Variants in ANLN observed in about 807,000 individuals in gnomAD.
ANLN encodes the protein anillin.
ANLN carries 59 observed loss-of-function variants against 135.1 expected under a neutral mutation model. The ratio of observed to expected loss-of-function variants is 0.44; its 90% CI spans 0.35 to 0.54. The LOEUF (loss-of-function observed/expected upper bound fraction) is 0.54. Among genes scored for constraint, ANLN ranks in the 20% least tolerant of loss-of-function variants. ANLN has a pLI of 0.00. For missense variants in ANLN, 1,182 were observed against 1,340.0 expected, an observed-to-expected ratio of 0.88 and a Z score of 1.84; for synonymous variants, 406 against 456.4, an observed-to-expected ratio of 0.89 and a Z score of 1.41.
At chr7:36,399,589 GT>G (rs1184707999) in intron 3 of ANLN, among the ~76,000 whole-genome samples, 196 bp downstream of exon 3, 1 of 152,186 alleles carries the variant, frequency 6.6e-6, no homozygotes, top group Non-Finnish European at 1.5e-5. Context: ...AGATCACGAT[GT>G]GGTTCTTGGA....
At position 36,445,161 on chromosome 7, in the gene ANLN, CTTTTTTTTTTTTT is replaced by C. The variant is rs70977145; in HGVS notation, c.3078+1314_3078+1326del. 3.5e-4 allele frequency among the ~76,000 whole-genome samples: 20 copies of C among 57,822 alleles called. 1 individual carries two copies. The highest frequency in any genetic ancestry group is 1.5e-3 in the Admixed American group (6 of 3,980). The allele number at this position is 57,822 out of a possible 152,430, so 37.9% of individuals were successfully genotyped here. A position where few individuals can be genotyped will look rare whatever the true frequency, so the allele number is the denominator to read the frequency against. The stretch of plus-strand genomic sequence containing the variant: ...TTAGAGGCGTTTCAGATTTGGGATT[CTTTTTTTTTTTTT>C]TTTTTTTTTTTTTTCAGATTTTGGA... On this transcript the variant is annotated intron_variant, in intron 22 of 23. Coordinates refer to ENST00000265748, the MANE Select transcript of ANLN (RefSeq NM_018685.5).
chr7:36,421,391 A>T (rs984228355), intron 12 of ANLN, among the ~76,000 whole-genome samples: 3 of 151,160 alleles, frequency 2.0e-5, no homozygotes, highest in Non-Finnish European at 4.4e-5. Flanking sequence ...TTTTAATTAT[A>T]AAAAAAAATA....
Position 36,411,663 on chromosome 7 carries a change from C to T in ANLN, c.1395+497C>T, listed in dbSNP as rs879648696. Among the ~76,000 whole-genome samples, 14 of 152,272 alleles carry T rather than the reference C, an allele frequency of 9.2e-5. No homozygotes were observed. The Middle Eastern group carries it at 0.01, about 111-fold the overall frequency. ...GTGTTCTGTTTAATTTACATGTCTA[C>T]AAAGTACTGTGTTAGGATATGTTTT... On this transcript the variant is annotated intron_variant, in intron 7 of 23. Coordinates refer to ENST00000265748, the MANE Select transcript of ANLN (RefSeq NM_018685.5).
chr7:36,420,863 G>C (rs1787848494), intron 12 of ANLN, 119 bp downstream of exon 12: 1 of 920,746 alleles, frequency 1.1e-6, no homozygotes, highest in Non-Finnish European at 1.6e-6. Context: ...AATAGTGTCT[G>C]ATGCATAGAA....
At chr7:36,396,912 G>C (rs1034320619) in intron 2 of ANLN, among the ~76,000 whole-genome samples, 2 of 152,050 alleles carry the variant, frequency 1.3e-5, no homozygotes, top group Non-Finnish European at 2.9e-5. Flanking sequence ...ATCTCCAGAA[G>C]TGGTGGAATT....
intron 2 of ANLN, among the ~76,000 whole-genome samples, chr7:36,398,414 C>T (rs73102283): frequency 0.037 from 5,596 of 152,196 alleles, 139 homozygotes; most frequent in African/African-American, 0.059. Flanking sequence ...CTACACTTGG[C>T]TCAGCTGTGT....
rs569777162 is a variant in ANLN at position 36,390,227 on chromosome 7, A to AT, written c.18+187dup. 3.8e-4 allele frequency: 354 copies of AT among 939,316 alleles called. 2 individuals carry two copies. The East Asian group carries it at 7.9e-3, about 21-fold the overall frequency. 58.2% of individuals were successfully genotyped at this position (939,316 alleles called of 1,614,324 possible). A position where few individuals can be genotyped will look rare whatever the true frequency, so the allele number is the denominator to read the frequency against. Reference sequence around the variant, plus strand: ...GCTGTGGTTGGTGGGTTCCTCTGAGATTTTGTTGTTTCGGTCCTACAGATA... The same window carrying AT: ...GCTGTGGTTGGTGGGTTCCTCTGAGATTTTTGTTGTTTCGGTCCTACAGATA... On this transcript the variant is annotated intron_variant, in intron 1 of 23. Transcript: ENST00000265748.
intron 21 of ANLN, among the ~76,000 whole-genome samples, 193 bp from the exon 22 acceptor site, chr7:36,443,559 ATGT>A (rs1788865265): frequency 6.6e-6 from 1 of 152,232 alleles, no homozygotes; most frequent in Non-Finnish European, 1.5e-5. Flanking sequence ...CTTGTAGATG[ATGT>A]TGAAGTAAAT....
At chr7:36,411,684 G>T (rs893995280) in intron 7 of ANLN, among the ~76,000 whole-genome samples, 20 of 152,198 alleles carry the variant, frequency 1.3e-4, no homozygotes, top group Admixed American at 1.3e-4. Context: ...GTTAGGATAT[G>T]TTTTTAAGCT....
intron 19 of ANLN, 70 bp from the exon 20 acceptor site, chr7:36,426,846 G>A (rs950772504): frequency 4.8e-6 from 4 of 840,426 alleles, no homozygotes; most frequent in Non-Finnish European, 7.2e-6. Context: ...ACTGGGATGG[G>A]GTGAGGAATT....
At chr7:36,451,362 G>A (rs1789235121) in intron 23 of ANLN, among the ~76,000 whole-genome samples, 1 of 152,188 alleles carries the variant, frequency 6.6e-6, no homozygotes, top group Non-Finnish European at 1.5e-5. Flanking sequence ...TTATCACATG[G>A]GGAGGCAGTA....
At chr7:36,412,319 ATATATATAT>A (rs1346961715) in intron 7 of ANLN, among the ~76,000 whole-genome samples, 3 of 112,744 alleles carry the variant, frequency 2.7e-5, no homozygotes, top group Admixed American at 9.5e-5. Context: ...ATATATATAT[ATATATATAT>A]TTTTTTTTTT....
At chr7:36,418,977 G>A (rs182474234) in intron 9 of ANLN, among the ~76,000 whole-genome samples, 1 of 151,890 alleles carries the variant, frequency 6.6e-6, no homozygotes, top group Non-Finnish European at 1.5e-5. Context: ...GACTTGTCTT[G>A]AACTCCTGAC....
At chr7:36,390,446 C>T (rs1260744996) in intron 1 of ANLN, 2 of 233,308 alleles carry the variant, frequency 8.6e-6, no homozygotes, top group South Asian at 2.1e-4. Context: ...AGTGCGGCTG[C>T]CGCCGGGAAA....
chr7:36,395,622 G>T (rs554830814), intron 1 of ANLN, among the ~76,000 whole-genome samples: 11 of 152,182 alleles, frequency 7.2e-5, no homozygotes, highest in African/African-American at 2.4e-4. Flanking sequence ...TACCATAGTG[G>T]CTTAAAACAA....
In ANLN at chr7:36,452,590, G is replaced by A. The variant is rs773783331; in HGVS notation, c.3365G>A (p.Gly1122Glu). 2 of 1,613,978 alleles carry A rather than the reference G, an allele frequency of 1.2e-6. No individual in the cohort carries two copies. Among genetic ancestry groups the A allele is most frequent in the Admixed American group, 3.3e-5 (2 of 60,010 alleles). The change falls in exon 24 of 24, where the codon GGA becomes GAA. Residue 1122 changes from glycine to glutamate, a missense_variant. Gly to Glu is a moderately conservative substitution (Grantham distance 98). Transcript: ENST00000265748. ...WQPDACYKPI[G>E]KP ...CCTGATGCTTGCTACAAACCTATTG[G>A]AAAGCCTTAAACCGGGAAATTTCCA...
intron 1 of ANLN, among the ~76,000 whole-genome samples, chr7:36,394,086 C>G (rs1183739466): frequency 3.3e-5 from 5 of 152,160 alleles, no homozygotes; most frequent in African/African-American, 7.2e-5. Context: ...CACCCCACCC[C>G]CCAGGTAGCT....
At chr7:36,410,751 A>G (rs1287528402) in intron 6 of ANLN, 47 bp downstream of exon 6, 7 of 1,541,358 alleles carry the variant, frequency 4.5e-6, no homozygotes, top group Non-Finnish European at 5.3e-6. Context: ...GTCTCTGCAT[A>G]GAACCTAGAA....
intron 1 of ANLN, 129 bp downstream of exon 1, chr7:36,390,173 G>T (rs1786371337): frequency 6.6e-7 from 1 of 1,523,842 alleles, no homozygotes; most frequent in South Asian, 1.1e-5. Flanking sequence ...CGCAGTGTGT[G>T]CGGGCCGGGG....
Sources: gnomAD v4.1 joint callset for allele counts (sites outside exome capture counted in the v4.1 genomes callset) on GRCh38, gnomAD v4.1.1 for gene constraint, MANE v1.5 for transcripts, NCBI Gene and HGNC (gene_info 2026-07-23, HGNC 2026-07-21) for gene names.